The following SLC10A7 variants were observed in gnomAD, a reference collection of about 807,000 sequenced individuals.
The protein encoded by SLC10A7 is solute carrier family 10 member 7.
Under a neutral mutation model 43.2 loss-of-function variants are expected in SLC10A7, and 29 were observed. The observed-to-expected ratio is 0.67, with a 90% confidence interval of 0.50 to 0.92. SLC10A7 has a LOEUF of 0.92. SLC10A7 is among the 40% of genes least tolerant of loss of function. SLC10A7 has a pLI of 0.00. For missense variants in SLC10A7, 295 were observed against 403.2 expected, an observed-to-expected ratio of 0.73 and a Z score of 2.30; for synonymous variants, 152 against 144.8, an observed-to-expected ratio of 1.05 and a Z score of -0.35.
At chr4:146,288,117 C>A (rs538194269) in intron 9 of SLC10A7, among the ~76,000 whole-genome samples, 1 of 152,160 alleles carries the variant, frequency 6.6e-6, no homozygotes, top group South Asian at 2.1e-4. Flanking sequence ...ACAGTCTTAT[C>A]GACAAAAAGT....
chr4:146,305,798 T>A (rs1312777553), intron 7 of SLC10A7, 128 bp downstream of exon 7: 9 of 760,404 alleles, frequency 1.2e-5, no homozygotes, highest in African/African-American at 1.8e-5. Flanking sequence ...ATGAAAGTTT[T>A]GTTTTTAGTC....
chr4:146,436,072 A>T (rs1054324823), intron 5 of SLC10A7, among the ~76,000 whole-genome samples: 1 of 148,884 alleles, frequency 6.7e-6, no homozygotes, highest in African/African-American at 2.5e-5. Flanking sequence ...TTATTAAAAT[A>T]AAAAAAAAAG....
intron 5 of SLC10A7, among the ~76,000 whole-genome samples, chr4:146,379,858 C>T (rs766357829): frequency 1.3e-5 from 2 of 152,020 alleles, no homozygotes; most frequent in Non-Finnish European, 2.9e-5. Flanking sequence ...TGAAGAATGG[C>T]CCCAAGTCTT....
chr4:146,328,280 G>A (rs1406293865), intron 5 of SLC10A7, among the ~76,000 whole-genome samples: 8 of 152,110 alleles, frequency 5.3e-5, no homozygotes, highest in Admixed American at 5.2e-4. Flanking sequence ...TGCTACTAAT[G>A]TTCATGTTGT....
At chr4:146,298,589 G>GA (rs1210388140) in intron 7 of SLC10A7, among the ~76,000 whole-genome samples, 1 of 152,060 alleles carries the variant, frequency 6.6e-6, no homozygotes, top group Non-Finnish European at 1.5e-5. Flanking sequence ...CAAGGTGATG[G>GA]AAAATAAAAA....
At chr4:146,384,288 C>A (rs1050661099) in intron 5 of SLC10A7, among the ~76,000 whole-genome samples, 1 of 151,936 alleles carries the variant, frequency 6.6e-6, no homozygotes, top group Non-Finnish European at 1.5e-5. Flanking sequence ...AAGAAAAAAA[C>A]TGATAAATTT....
chr4:146,492,076 T>C (rs1735503558), intron 4 of SLC10A7, among the ~76,000 whole-genome samples: 1 of 151,706 alleles, frequency 6.6e-6, no homozygotes, highest in Non-Finnish European at 1.5e-5. Context: ...AAAAATTAGC[T>C]GGGCGTGGTG....
chr4:146,378,358 C>T (rs549431269), intron 5 of SLC10A7, among the ~76,000 whole-genome samples: 1 of 152,236 alleles, frequency 6.6e-6, no homozygotes, highest in South Asian at 2.1e-4. Context: ...AAATAAAAAA[C>T]ATAATCCACA....
rs187899421 is a variant in SLC10A7, at chr4:146,327,990, C to T, written c.436-1994G>A. ...AGGCCAGCCCCACCTGCCACAAGTG[C>T]ACTGGCACCTCTGCACATCATATGG... On this transcript the variant is annotated intron_variant, in intron 5 of 11. Transcript: ENST00000335472. Among the ~76,000 whole-genome samples, 395 of 152,320 alleles carry T rather than the reference C, an allele frequency of 2.6e-3. 3 individuals are homozygous for T. The highest frequency in any genetic ancestry group is 4.5e-3 in the Admixed American group (69 of 15,312).
chr4:146,297,128 C>A (rs2111206978), intron 7 of SLC10A7, among the ~76,000 whole-genome samples: 1 of 152,230 alleles, frequency 6.6e-6, no homozygotes, highest in Admixed American at 6.5e-5. Context: ...CCTTCAGAAT[C>A]TATACTAATT....
chr4:146,517,388 A>C (rs924589559), intron 1 of SLC10A7, among the ~76,000 whole-genome samples: 1 of 152,096 alleles, frequency 6.6e-6, no homozygotes, highest in African/African-American at 2.4e-5. Context: ...ACCTGAGCCC[A>C]GGAGGCAGAG....
At chr4:146,370,657 A>G (rs914588558) in intron 5 of SLC10A7, among the ~76,000 whole-genome samples, 5 of 152,182 alleles carry the variant, frequency 3.3e-5, no homozygotes, top group African/African-American at 4.8e-5. Flanking sequence ...GCCTTTTTTA[A>G]TCTTCCCCCA....
intron 5 of SLC10A7, among the ~76,000 whole-genome samples, chr4:146,377,757 C>G (rs1737306758): frequency 6.6e-6 from 1 of 152,186 alleles, no homozygotes; most frequent in African/African-American, 2.4e-5. Flanking sequence ...CAGATGTAAA[C>G]TCCACAAGGG....
rs552281051 is a variant in SLC10A7, at chr4:146,324,893, C to T, written c.471+1068G>A. Among the ~76,000 whole-genome samples, 110 of 152,252 alleles carry T rather than the reference C, an allele frequency of 7.2e-4. 1 individual carries two copies. Among genetic ancestry groups the T allele is most frequent in the South Asian group, 1.2e-3 (6 of 4,832 alleles). On this transcript the variant is annotated intron_variant, in intron 6 of 11. Coordinates refer to ENST00000335472, the MANE Select transcript of SLC10A7 (RefSeq NM_001029998.6). Reference sequence around the variant, plus strand: ...GATTATTTGACTCTTCTTACCTTGTCAAAATGGAGCCAGCATTTCAAAAGG... The same window carrying T: ...GATTATTTGACTCTTCTTACCTTGTTAAAATGGAGCCAGCATTTCAAAAGG...
intron 5 of SLC10A7, among the ~76,000 whole-genome samples, chr4:146,437,130 C>G (rs1229488673): frequency 6.6e-6 from 1 of 152,024 alleles, no homozygotes; most frequent in Non-Finnish European, 1.5e-5. Flanking sequence ...CTAATGGACT[C>G]TGAGTATATG....
intron 5 of SLC10A7, 88 bp downstream of exon 5, chr4:146,442,695 T>C: frequency 6.4e-7 from 1 of 1,558,660 alleles, no homozygotes; most frequent in Non-Finnish European, 8.6e-7. Context: ...AACCAAAGAG[T>C]AAAACAAATC....
chr4:146,490,023 A>G (rs1413397761), intron 4 of SLC10A7, among the ~76,000 whole-genome samples: 1 of 148,396 alleles, frequency 6.7e-6, no homozygotes, highest in South Asian at 2.1e-4. Context: ...CAAAAATTCT[A>G]TTTTTTTTTT....
At chr4:146,265,155 C>A (rs2111014832) in intron 10 of SLC10A7, among the ~76,000 whole-genome samples, 1 of 152,346 alleles carries the variant, frequency 6.6e-6, no homozygotes, top group East Asian at 1.9e-4. Flanking sequence ...TTAAGCCTTA[C>A]AACAGATCTA....
chr4:146,434,803 C>T (rs1243523902), intron 5 of SLC10A7, among the ~76,000 whole-genome samples: 1 of 152,132 alleles, frequency 6.6e-6, no homozygotes, highest in Non-Finnish European at 1.5e-5. Flanking sequence ...ACCTCGTGAT[C>T]CACTAGCCTC....
Sources: gnomAD v4.1 joint callset for allele counts (sites outside exome capture counted in the v4.1 genomes callset) on GRCh38, gnomAD v4.1.1 for gene constraint, MANE v1.5 for transcripts, NCBI Gene and HGNC (gene_info 2026-07-23, HGNC 2026-07-21) for gene names.